The following ASIC2 variants were observed in gnomAD, a reference collection of about 807,000 sequenced individuals.
ASIC2 encodes the protein acid sensing ion channel subunit 2.
A neutral mutation model predicts 57.3 loss-of-function variants in ASIC2; 25 were observed. The ratio of observed to expected loss-of-function variants is 0.44; its 90% confidence interval spans 0.32 to 0.61. ASIC2 has a LOEUF of 0.61. ASIC2 is among the 20% of genes least tolerant of loss of function. The pLI, the probability that ASIC2 is intolerant of heterozygous loss-of-function variation, is 0.06. For missense variants in ASIC2, 641 were observed against 738.1 expected (o/e 0.87, Z 1.52); for synonymous variants, 319 against 307.5 (o/e 1.04, Z -0.39).
chr17:33,832,886 T>G (rs954538404), intron 1 of ASIC2, among the ~76,000 whole-genome samples: 2 of 152,146 alleles, frequency 1.3e-5, no homozygotes, highest in African/African-American at 4.8e-5. Context: ...ATTTTTATAG[T>G]GGAGACTTAG....
intron 1 of ASIC2, among the ~76,000 whole-genome samples, chr17:33,275,912 G>T (rs1285817404): frequency 6.6e-6 from 1 of 152,192 alleles, no homozygotes. Flanking sequence ...ATGTGTGGGG[G>T]TGACAGTTGA....
At chr17:33,313,313 G>A (rs1472816828) in intron 1 of ASIC2, among the ~76,000 whole-genome samples, 1 of 151,286 alleles carries the variant, frequency 6.6e-6, no homozygotes, top group Non-Finnish European at 1.5e-5. Flanking sequence ...GGGAAACAGA[G>A]CGAAACCCTG....
At chr17:33,057,618 G>A (rs2092003293) in intron 3 of ASIC2, among the ~76,000 whole-genome samples, 1 of 152,224 alleles carries the variant, frequency 6.6e-6, no homozygotes, top group African/African-American at 2.4e-5. Flanking sequence ...GCCCTTTCTG[G>A]AACAACCCTC....
At chr17:33,913,635 C>T (rs1294878482) in intron 1 of ASIC2, among the ~76,000 whole-genome samples, 2 of 152,032 alleles carry the variant, frequency 1.3e-5, no homozygotes, top group Admixed American at 6.5e-5. Context: ...CTTAATTATT[C>T]GATATAATTC....
chr17:33,909,714 C>T (rs1406457662), intron 1 of ASIC2, among the ~76,000 whole-genome samples: 1 of 152,220 alleles, frequency 6.6e-6, no homozygotes, highest in Admixed American at 6.5e-5. Flanking sequence ...CATTTATCCA[C>T]AGCAAATAAG....
chr17:33,983,853 G>C (rs544128756), intron 1 of ASIC2, among the ~76,000 whole-genome samples: 1 of 152,232 alleles, frequency 6.6e-6, no homozygotes, highest in Non-Finnish European at 1.5e-5. Flanking sequence ...CAGGGGTGCT[G>C]CTGAACATTC....
chr17:33,577,473 A>G (rs1916661890), intron 1 of ASIC2, among the ~76,000 whole-genome samples: 1 of 152,102 alleles, frequency 6.6e-6, no homozygotes, highest in South Asian at 2.1e-4. Flanking sequence ...CATGCTGTGG[A>G]GACAACAGAC....
At chr17:33,743,012 G>A (rs374748240) in intron 1 of ASIC2, among the ~76,000 whole-genome samples, 42 of 152,256 alleles carry the variant, frequency 2.8e-4, no homozygotes, top group African/African-American at 8.7e-4. Context: ...TGTCACTGGC[G>A]TGTGCTTTCC....
intron 1 of ASIC2, chr17:33,634,706 C>CTT (rs1906294382): frequency 1.3e-5 from 1 of 77,204 alleles, no homozygotes; most frequent in Non-Finnish European, 3.4e-5. Flanking sequence ...TTCTTTCTTT[C>CTT]TTTCTTTTTT....
At chr17:33,187,023 A>G (rs754668025) in intron 1 of ASIC2, among the ~76,000 whole-genome samples, 13 of 152,162 alleles carry the variant, frequency 8.5e-5, no homozygotes, top group Non-Finnish European at 1.8e-4. Flanking sequence ...CACTTCCCAA[A>G]GCCAAACTTC....
intron 1 of ASIC2, among the ~76,000 whole-genome samples, chr17:33,823,934 G>T (rs142777144): frequency 6.6e-6 from 1 of 152,150 alleles, no homozygotes; most frequent in Admixed American, 6.5e-5. Context: ...TCTTCTCCAC[G>T]TCTGGCTTCT....
chr17:33,180,673 A>T (rs1187668274), intron 1 of ASIC2, among the ~76,000 whole-genome samples: 2 of 152,162 alleles, frequency 1.3e-5, no homozygotes, highest in Admixed American at 6.5e-5. Flanking sequence ...TTCTACTGGG[A>T]ACCTGGGCTG....
chr17:33,138,357 T>C (rs1253580628), intron 1 of ASIC2, among the ~76,000 whole-genome samples: 1 of 152,140 alleles, frequency 6.6e-6, no homozygotes, highest in Non-Finnish European at 1.5e-5. Flanking sequence ...GAGGATTATT[T>C]AACCTTTAAA....
At chr17:33,333,679 T>C (rs1907403409) in intron 1 of ASIC2, among the ~76,000 whole-genome samples, 2 of 152,118 alleles carry the variant, frequency 1.3e-5, no homozygotes, top group African/African-American at 4.8e-5. Flanking sequence ...TTTATTATAA[T>C]AAATAAACAA....
intron 1 of ASIC2, among the ~76,000 whole-genome samples, chr17:33,263,678 C>A (rs1001645101): frequency 2.0e-5 from 3 of 146,702 alleles, no homozygotes; most frequent in Non-Finnish European, 3.0e-5. Flanking sequence ...TGGTGTTCTG[C>A]AGCAGGAGGA....
At chr17:33,610,064 A>ATG (rs1905351124) in intron 1 of ASIC2, among the ~76,000 whole-genome samples, 3 of 151,508 alleles carry the variant, frequency 2.0e-5, no homozygotes, top group Non-Finnish European at 4.4e-5. Flanking sequence ...GCACACACAC[A>ATG]CACACACACA....
intron 1 of ASIC2, among the ~76,000 whole-genome samples, chr17:33,739,285 AAG>A (rs1261122820): frequency 6.6e-6 from 1 of 152,206 alleles, no homozygotes; most frequent in Non-Finnish European, 1.5e-5. Flanking sequence ...TCAAACCAAA[AAG>A]AGGGGATTTG....
chr17:33,216,698 T>C (rs994080961), intron 1 of ASIC2, among the ~76,000 whole-genome samples: 23 of 152,176 alleles, frequency 1.5e-4, no homozygotes, highest in Non-Finnish European at 2.6e-4. Flanking sequence ...TCAGGGACTA[T>C]AGATGCCATG....
intron 1 of ASIC2, among the ~76,000 whole-genome samples, chr17:33,573,499 A>G (rs1429654373): frequency 6.6e-6 from 1 of 152,202 alleles, no homozygotes; most frequent in African/African-American, 2.4e-5. Context: ...TGCTTCCAGC[A>G]CATGTGGGAA....
Sources: allele counts gnomAD v4.1 joint callset (sites outside exome capture counted in the v4.1 genomes callset), GRCh38; gene constraint gnomAD v4.1.1; transcripts MANE v1.5; gene names NCBI Gene and HGNC (gene_info 2026-07-23, HGNC 2026-07-21).